CCDC171: variants seen among roughly 807,000 people sequenced by gnomAD.
CCDC171 encodes the protein coiled-coil domain containing 171.
Under a neutral mutation model 168.2 loss-of-function variants are expected in CCDC171, and 177 were observed. The ratio of observed to expected loss-of-function variants is 1.05; its 90% CI spans 0.93 to 1.19. The LOEUF (loss-of-function observed/expected upper bound fraction) is 1.19. CCDC171 is among the 50% of genes most tolerant of loss of function. The pLI is 0.00. For missense variants in CCDC171, 1,991 were observed against 1,539.0 expected (o/e 1.29, Z -4.91); for synonymous variants, 687 against 540.8 (o/e 1.27, Z -3.75).
At chr9:15,836,131 A>G (rs1010013008) in intron 21 of CCDC171, among the ~76,000 whole-genome samples, 2 of 152,174 alleles carry the variant, frequency 1.3e-5, no homozygotes, top group Non-Finnish European at 1.5e-5. Flanking sequence ...TCATAGTTAT[A>G]TAAATATTAA....
At chr9:16,079,587 C>T in the CCDC171 span, among the ~76,000 whole-genome samples, 43 of 152,192 alleles carry the variant, frequency 2.8e-4, no homozygotes, top group African/African-American at 9.4e-4. Context: ...CGCAAATCAC[C>T]AGAAGCCGGG....
At chr9:15,951,872 G>C (rs1484928192) in intron 25 of CCDC171, among the ~76,000 whole-genome samples, 1 of 152,060 alleles carries the variant, frequency 6.6e-6, no homozygotes, top group African/African-American at 2.4e-5. Context: ...TTATCAGGAA[G>C]TTCAATTTGT....
chr9:15,704,560 C>A lies in CCDC171; in HGVS notation c.1318+9223C>A, dbSNP rs527441407. Reference sequence around the variant, plus strand: ...TGGTAGAAATTTATAGGGACAGTAGCAAAATTGTTTTTTGGGCTTGCTTTT... The same window carrying A: ...TGGTAGAAATTTATAGGGACAGTAGAAAAATTGTTTTTTGGGCTTGCTTTT... On this transcript the variant is annotated intron_variant, in intron 11 of 25. Coordinates refer to ENST00000380701, the MANE Select transcript of CCDC171 (RefSeq NM_173550.4). Among the ~76,000 whole-genome samples the A allele has an allele frequency of 3.9e-5, 6 of 152,248 alleles. No individual in the cohort carries two copies. The East Asian group carries it at 1.2e-3, about 29-fold the overall frequency.
intron 25 of CCDC171, among the ~76,000 whole-genome samples, chr9:15,957,809 G>A (rs535313609): frequency 3.2e-4 from 49 of 152,238 alleles, no homozygotes; most frequent in African/African-American, 1.1e-3. Context: ...ATGGACACTG[G>A]CCAAGATAAC....
chr9:15,672,748 T>A (rs376252381), intron 9 of CCDC171, among the ~76,000 whole-genome samples: 1 of 152,106 alleles, frequency 6.6e-6, no homozygotes, highest in East Asian at 1.9e-4. Flanking sequence ...GTTTTGGTTA[T>A]TGTAGCCTTG....
At chr9:15,670,281 G>T (rs1472107791) in intron 9 of CCDC171, among the ~76,000 whole-genome samples, 3 of 152,154 alleles carry the variant, frequency 2.0e-5, no homozygotes, top group Non-Finnish European at 2.9e-5. Flanking sequence ...AGCTGTGTGT[G>T]TATTGTGTGT....
intron 24 of CCDC171, among the ~76,000 whole-genome samples, chr9:15,878,815 T>C (rs1588966093): frequency 6.6e-6 from 1 of 152,288 alleles, no homozygotes; most frequent in Admixed American, 6.5e-5. Context: ...AACGAGATCA[T>C]GTTTTTTGTG....
intron 18 of CCDC171, among the ~76,000 whole-genome samples, chr9:15,755,405 C>A (rs1182332447): frequency 1.3e-5 from 2 of 152,142 alleles, no homozygotes; most frequent in Non-Finnish European, 2.9e-5. Context: ...ATCATATGAG[C>A]TAGCAATTCA....
chr9:15,956,381 A>T (rs1829798699), intron 25 of CCDC171, among the ~76,000 whole-genome samples: 1 of 152,174 alleles, frequency 6.6e-6, no homozygotes, highest in Non-Finnish European at 1.5e-5. Flanking sequence ...TTGAAATCAT[A>T]ATTCTGTCTT....
intron 11 of CCDC171, among the ~76,000 whole-genome samples, chr9:15,704,612 T>C (rs1161397904): frequency 6.6e-6 from 1 of 152,222 alleles, no homozygotes; most frequent in African/African-American, 2.4e-5. Flanking sequence ...AAAACTATTT[T>C]CTTGAATTAA....
chr9:15,844,566 T>C (rs1486372628), intron 21 of CCDC171, among the ~76,000 whole-genome samples: 3 of 152,070 alleles, frequency 2.0e-5, no homozygotes, highest in African/African-American at 7.2e-5. Flanking sequence ...AAAACTGTGA[T>C]CTTTTTTCCA....
intron 21 of CCDC171, among the ~76,000 whole-genome samples, chr9:15,804,550 A>G (rs372653364): frequency 3.9e-5 from 6 of 152,012 alleles, no homozygotes; most frequent in African/African-American, 1.4e-4. Context: ...ATTTGAGTAC[A>G]GTGAACCCCA....
chr9:15,667,786 AAACTGTT>A (rs2048837103), intron 9 of CCDC171, among the ~76,000 whole-genome samples: 1 of 152,202 alleles, frequency 6.6e-6, no homozygotes, highest in Admixed American at 6.5e-5. Flanking sequence ...AAAAACTCTT[AAACTGTT>A]TGTTTCTTTA....
chr9:15,888,523 A>T (rs10962193), intron 24 of CCDC171, among the ~76,000 whole-genome samples: 10,628 of 152,226 alleles, frequency 0.07, 849 homozygotes, highest in African/African-American at 0.19. Context: ...AATTTTGGAA[A>T]GATTTCAAAT....
At chr9:15,928,006 T>C (rs914693916) in intron 25 of CCDC171, among the ~76,000 whole-genome samples, 1 of 151,688 alleles carries the variant, frequency 6.6e-6, no homozygotes, top group African/African-American at 2.4e-5. Context: ...TGAGAGAGGC[T>C]ATACAGTGCA....
chr9:15,892,709 C>T (rs1255959236), intron 24 of CCDC171, among the ~76,000 whole-genome samples: 3 of 151,920 alleles, frequency 2.0e-5, no homozygotes, highest in Non-Finnish European at 4.4e-5. Context: ...CAAACAAAAC[C>T]TAGGAATACA....
At chr9:15,862,243 T>C (rs1266033515) in intron 23 of CCDC171, among the ~76,000 whole-genome samples, 1 of 151,938 alleles carries the variant, frequency 6.6e-6, no homozygotes, top group Non-Finnish European at 1.5e-5. Context: ...ACTGTCTTTA[T>C]TCTTTATTAC....
chr9:16,092,319 G>A, the CCDC171 span, among the ~76,000 whole-genome samples: 2 of 152,200 alleles, frequency 1.3e-5, no homozygotes, highest in Non-Finnish European at 2.9e-5. Context: ...TGGGAAGCTT[G>A]TTCGAAATGC....
intron 24 of CCDC171, among the ~76,000 whole-genome samples, chr9:15,904,539 G>T (rs1479193135): frequency 6.6e-6 from 1 of 151,826 alleles, no homozygotes; most frequent in African/African-American, 2.4e-5. Context: ...ACATGGAAAG[G>T]GACAACCAGT....
Sources: allele counts gnomAD v4.1 joint callset (sites outside exome capture counted in the v4.1 genomes callset), GRCh38; gene constraint gnomAD v4.1.1; transcripts MANE v1.5; gene names NCBI Gene and HGNC (gene_info 2026-07-23, HGNC 2026-07-21).